The following FZD6 variants were observed in gnomAD, a reference collection of about 807,000 sequenced individuals.
The protein encoded by FZD6 is frizzled class receptor 6.
FZD6 carries 49 observed loss-of-function variants against 61.4 expected under a neutral mutation model. The observed-to-expected ratio is 0.80, with a 90% CI of 0.63 to 1.01. The LOEUF (loss-of-function observed/expected upper bound fraction) is 1.01. Among genes scored for constraint, FZD6 ranks in the 50% least tolerant of loss-of-function variants. FZD6 has a pLI of 0.00. For missense variants in FZD6, 724 were observed against 848.2 expected, an observed-to-expected ratio of 0.85 and a Z score of 1.82; for synonymous variants, 265 against 292.2, an observed-to-expected ratio of 0.91 and a Z score of 0.95.
At chr8:103,323,185 A>G (rs2948451) in intron 3 of FZD6, among the ~76,000 whole-genome samples, 14,275 of 152,214 alleles carry the variant, frequency 0.094, 773 homozygotes, top group Middle Eastern at 0.26. Flanking sequence ...AATGCTTGAG[A>G]GTAAACACCG....
chr8:103,319,492 T>C (rs1586518215), intron 3 of FZD6, among the ~76,000 whole-genome samples: 1 of 152,156 alleles, frequency 6.6e-6, no homozygotes, highest in East Asian at 1.9e-4. Flanking sequence ...GGCACCTGTG[T>C]CAGTCTCCTG....
At chr8:103,318,494 A>G (rs1041321955) in intron 2 of FZD6, 96 bp from the exon 3 acceptor site, 6 of 756,982 alleles carry the variant, frequency 7.9e-6, no homozygotes, top group Non-Finnish European at 1.4e-5. Flanking sequence ...CTTTTGCAGT[A>G]TAAGTGAAAA....
Position 103,331,377 on chromosome 8 carries a change from G to A in FZD6, c.1989G>A (p.Leu663=), listed in dbSNP as rs1269589544. ...AGAGTGATATTACTGACACTGGCCT[G>A]GCACAGAGCAACAATTTGCAGGTCC... is the stretch of plus-strand genomic sequence containing the variant. The part of the protein sequence containing the change: ...SPKSDITDTG[L]AQSNNLQVPS... Residue 663 remains leucine, a synonymous_variant, in exon 7 of 7, where the codon CTG becomes CTA. Coordinates refer to ENST00000358755, the MANE Select transcript of FZD6 (RefSeq NM_003506.4). 4.3e-6 allele frequency: 7 copies of A among 1,612,660 alleles called. No individual in the cohort carries two copies. The highest frequency in any genetic ancestry group is 1.1e-5 in the South Asian group (1 of 91,038).
At position 103,328,340 on chromosome 8, in the gene FZD6, T is replaced by A. The variant is rs769142373; in HGVS notation, c.1465T>A (p.Ser489Thr). ...KYLMTLIVGI[S>T]AVFWVGSKKT... is the part of the protein sequence containing the mutation. ...CCTGATGACATTAATTGTTGGCATC[T>A]CTGCTGTCTTCTGGGTTGGAAGCAA... Residue 489 changes from serine (S) to threonine (T), a missense_variant, in exon 5 of 7, where the codon TCT (serine) becomes ACT (threonine). By Grantham distance (58) the Ser-to-Thr change is moderately conservative. Transcript: ENST00000358755. 2 of 1,611,478 alleles carry A rather than the reference T, an allele frequency of 1.2e-6. No homozygotes were observed. Among genetic ancestry groups the A allele is most frequent in the South Asian group, 2.2e-5 (2 of 91,024 alleles).
chr8:103,314,824 T>A (rs1216443096), intron 2 of FZD6, among the ~76,000 whole-genome samples: 1 of 152,236 alleles, frequency 6.6e-6, no homozygotes, highest in Non-Finnish European at 1.5e-5. Flanking sequence ...CTCATGACCA[T>A]GGAAGTGTCC....
intron 2 of FZD6, among the ~76,000 whole-genome samples, chr8:103,303,418 T>C (rs1244690471): frequency 1.3e-5 from 2 of 152,208 alleles, no homozygotes; most frequent in African/African-American, 4.8e-5. Context: ...CACCCCACTC[T>C]ACACCCTTAC....
At position 103,332,407 on chromosome 8, in the gene FZD6, T is replaced by G. The variant is rs1295174108; in HGVS notation, c.*898T>G. ...AGTTGCTTATATTTTTTGTTTTAAC[T>G]TTTGTTTTTTAACATTTAGAATATT... On this transcript the variant is annotated 3_prime_UTR_variant, in exon 7 of 7. Coordinates refer to ENST00000358755, the MANE Select transcript of FZD6 (RefSeq NM_003506.4). 1 of 152,214 alleles carries G rather than the reference T, an allele frequency of 6.6e-6. No individual in the cohort carries two copies. The highest frequency in any genetic ancestry group is 1.5e-5 in the Non-Finnish European group (1 of 68,008). The allele number at this position is 152,214 out of a possible 1,614,324, so 9.4% of individuals were successfully genotyped here. A position where few individuals can be genotyped will look rare whatever the true frequency, so the allele number is the denominator to read the frequency against.
chr8:103,309,176 G>A (rs1050408618), intron 2 of FZD6, among the ~76,000 whole-genome samples: 2 of 152,154 alleles, frequency 1.3e-5, no homozygotes, highest in African/African-American at 4.8e-5. Context: ...GGATGGGATG[G>A]AAAAATTCCA....
At chr8:103,331,021 C>CA (rs1279176589) in intron 6 of FZD6, among the ~76,000 whole-genome samples, 3 of 152,176 alleles carry the variant, frequency 2.0e-5, no homozygotes, top group East Asian at 1.9e-4. Context: ...ACTGAAAATA[C>CA]AAAAAATTAG....
In FZD6 at chr8:103,331,655, G is replaced by GAAT; in HGVS notation, c.*151_*153dup. On this transcript the variant is annotated 3_prime_UTR_variant, in exon 7 of 7. Coordinates refer to ENST00000358755, the MANE Select transcript of FZD6 (RefSeq NM_003506.4). ...TTATACTGGAAAAAATAGAGTTCAA[G>GAAT]AATAATATGACTCATTTCACACAAA... is the stretch of plus-strand genomic sequence containing the variant. 1 of 679,240 alleles carries GAAT rather than the reference G, an allele frequency of 1.5e-6. No individual in the cohort carries two copies. The highest frequency in any genetic ancestry group is 1.6e-5 in the South Asian group (1 of 63,024). The allele number at this position is 679,240 out of a possible 1,614,324, so 42.1% of individuals were successfully genotyped here. A position where few individuals can be genotyped will look rare whatever the true frequency, so the allele number is the denominator to read the frequency against.
At chr8:103,303,068 C>T (rs1315912697) in intron 2 of FZD6, among the ~76,000 whole-genome samples, 10 of 152,124 alleles carry the variant, frequency 6.6e-5, no homozygotes, top group Admixed American at 6.5e-4. Context: ...GTGCAGTCCA[C>T]TTTAGGGTTA....
intron 3 of FZD6, among the ~76,000 whole-genome samples, chr8:103,322,250 T>C (rs940156046): frequency 4.0e-5 from 6 of 151,538 alleles, no homozygotes; most frequent in African/African-American, 7.3e-5. Flanking sequence ...TTTTTGGATA[T>C]AAAAATCTCA....
At chr8:103,320,998 A>C (rs1244117056) in intron 3 of FZD6, among the ~76,000 whole-genome samples, 1 of 152,182 alleles carries the variant, frequency 6.6e-6, no homozygotes, top group African/African-American at 2.4e-5. Flanking sequence ...GGGAAGGAGA[A>C]GATTCAGTAA....
At chr8:103,314,781 C>A (rs893617444) in intron 2 of FZD6, among the ~76,000 whole-genome samples, 1 of 152,064 alleles carries the variant, frequency 6.6e-6, no homozygotes, top group African/African-American at 2.4e-5. Context: ...TCTGCTTGAC[C>A]GTTCATTTAC....
In FZD6 at chr8:103,331,385, G is replaced by C. The variant is rs749101422; in HGVS notation, c.1997G>C (p.Ser666Thr). Residue 666 changes from serine (S) to threonine (T), a missense_variant, in exon 7 of 7, where the codon AGC (serine) becomes ACC (threonine). Ser to Thr is a moderately conservative substitution (Grantham distance 58). Coordinates refer to ENST00000358755, the MANE Select transcript of FZD6 (RefSeq NM_003506.4). ...ATTACTGACACTGGCCTGGCACAGA[G>C]CAACAATTTGCAGGTCCCCAGTTCT... Reference protein sequence around the residue: ...SDITDTGLAQSNNLQVPSSSE... With the variant: ...SDITDTGLAQTNNLQVPSSSE... The C allele has an allele frequency of 1.2e-5, 19 of 1,612,124 alleles. No homozygotes were observed. Among genetic ancestry groups the C allele is most frequent in the Admixed American group, 6.7e-5 (4 of 59,984 alleles).
rs769774212 is a variant in FZD6 at position 103,325,080 on chromosome 8, T to C, written c.974T>C (p.Val325Ala). 1.2e-6 allele frequency: 2 copies of C among 1,614,178 alleles called. No individual in the cohort carries two copies. The highest frequency in any genetic ancestry group is 1.7e-6 in the Non-Finnish European group (2 of 1,179,994). ...TGTGAAGCCATCGAGCAAAAAGCAG[T>C]GTGGTTTCATGCTGTTGCATGGGGA... ...WSCEAIEQKA[V>A]WFHAVAWGTP... The change falls in exon 4 of 7, where the codon GTG (valine) becomes GCG (alanine). Residue 325 changes from valine to alanine, a missense_variant. By Grantham distance (64) the Val-to-Ala change is moderately conservative. Transcript: ENST00000358755.
At chr8:103,328,672 A>C (rs894304734) in intron 5 of FZD6, among the ~76,000 whole-genome samples, 1 of 151,656 alleles carries the variant, frequency 6.6e-6, no homozygotes, top group Non-Finnish European at 1.5e-5. Flanking sequence ...AATATGAATG[A>C]ATGATTTATG....
chr8:103,314,334 A>G (rs1038062834), intron 2 of FZD6, among the ~76,000 whole-genome samples: 2 of 152,178 alleles, frequency 1.3e-5, no homozygotes. Context: ...ATTACCACAT[A>G]GTCAAAAAAT....
upstream of FZD6, chr8:103,298,733 G>A (rs1427725252): frequency 6.7e-6 from 1 of 149,224 alleles, no homozygotes; most frequent in Non-Finnish European, 1.5e-5. Context: ...GAGTGAGGCC[G>A]GGCGGCGCAG....
Sources: gnomAD v4.1 joint callset for allele counts (sites outside exome capture counted in the v4.1 genomes callset) on GRCh38, gnomAD v4.1.1 for gene constraint, MANE v1.5 for transcripts, NCBI Gene and HGNC (gene_info 2026-07-23, HGNC 2026-07-21) for gene names.